Variants in EWSR1 observed in about 807,000 individuals in gnomAD.
EWSR1 encodes EWS RNA binding protein 1, also known as RNA-binding protein EWS.
Under a neutral mutation model 92.1 loss-of-function variants are expected in EWSR1, and 14 were observed. The ratio of observed to expected loss-of-function variants is 0.15; its 90% CI spans 0.10 to 0.24. The LOEUF is 0.24. Among genes scored for constraint, EWSR1 ranks in the 10% least tolerant of loss-of-function variants. The pLI is 1.00. For missense variants in EWSR1, 637 were observed against 870.9 expected, an observed-to-expected ratio of 0.73 and a Z score of 3.38; for synonymous variants, 303 against 292.9, an observed-to-expected ratio of 1.03 and a Z score of -0.35.
intron 14 of EWSR1, 110 bp downstream of exon 14, chr22:29,299,005 C>A: frequency 7.3e-7 from 1 of 1,363,558 alleles, no homozygotes; most frequent in East Asian, 2.3e-5. Flanking sequence ...AATGATGACC[C>A]TGATGGCTGG....
rs1424680543 is a variant in EWSR1 at position 29,296,064 on chromosome 22, C to T, written c.1165-175C>T. On this transcript the variant is annotated intron_variant, in intron 11 of 16. Transcript: ENST00000397938. ...GTCTACTTTGGTTTTTATGATAAAGCAGGGATAGAGGAGAAAATAACTTAG... is the reference window on the plus strand; with the variant it reads ...GTCTACTTTGGTTTTTATGATAAAGTAGGGATAGAGGAGAAAATAACTTAG... 4.6e-6 allele frequency: 3 copies of T among 656,210 alleles called. No homozygotes were observed. The Admixed American group carries it at 9.4e-5, about 21-fold the overall frequency. The allele number at this position is 656,210 out of a possible 1,614,324, so 40.6% of individuals were successfully genotyped here.
intron 1 of EWSR1, chr22:29,269,119 A>C (rs1569033997): frequency 6.6e-6 from 1 of 152,254 alleles, no homozygotes; most frequent in Non-Finnish European, 1.5e-5. Flanking sequence ...GCCGAGGGAC[A>C]TCCGTTGTAT....
intron 11 of EWSR1, 102 bp from the exon 12 acceptor site, chr22:29,296,137 A>G: frequency 8.6e-7 from 1 of 1,159,316 alleles, no homozygotes. Flanking sequence ...TTAGTGACTT[A>G]CTACATGTGA....
At chr22:29,280,822 C>T (rs192359622) in intron 5 of EWSR1, among the ~76,000 whole-genome samples, 3,610 of 145,292 alleles carry the variant, frequency 0.025, 140 homozygotes, top group African/African-American at 0.088. Context: ...TACAGGTGCC[C>T]GCCACTCTGC....
intron 4 of EWSR1, chr22:29,276,249 G>A: frequency 4.3e-6 from 1 of 230,158 alleles, no homozygotes; most frequent in Non-Finnish European, 8.6e-6. Flanking sequence ...ATAAATGAAT[G>A]CCTTATGTGG....
intron 3 of EWSR1, among the ~76,000 whole-genome samples, chr22:29,272,855 C>T (rs2058792978): frequency 6.6e-6 from 1 of 152,118 alleles, no homozygotes; most frequent in Non-Finnish European, 1.5e-5. Context: ...TAAAAACTGG[C>T]GACCTAGCCA....
intron 16 of EWSR1, 33 bp downstream of exon 16, chr22:29,299,884 C>A (rs932191137): frequency 6.5e-7 from 1 of 1,530,874 alleles, no homozygotes; most frequent in South Asian, 1.3e-5. Flanking sequence ...TGTGGGCCGC[C>A]AGGCACAGTA....
At position 29,280,862 on chromosome 22, in the gene EWSR1, G is replaced by GTTTTTTTTTTTTT. The variant is rs71196650; in HGVS notation, c.414-1503_414-1491dup. ...CTAATTTTGTGTGTGTGTGTGTGTT[G>GTTTTTTTTTTTTT]TTTTTTTTTTTTTTTTTTTTTTTTT... On this transcript the variant is annotated intron_variant, in intron 5 of 16. Transcript: ENST00000397938. Among the ~76,000 whole-genome samples the GTTTTTTTTTTTTT allele has an allele frequency of 3.2e-5, 2 of 62,902 alleles. 1 individual carries two copies. Among genetic ancestry groups the GTTTTTTTTTTTTT allele is most frequent in the African/African-American group, 1.1e-4 (2 of 17,576 alleles). 41.3% of individuals were successfully genotyped at this position (62,902 alleles called of 152,430 possible). A position where few individuals can be genotyped will look rare whatever the true frequency, so the allele number is the denominator to read the frequency against.
intron 14 of EWSR1, 59 bp downstream of exon 14, chr22:29,298,954 C>T (rs1369639987): frequency 4.7e-6 from 7 of 1,482,180 alleles, no homozygotes; most frequent in Middle Eastern, 3.6e-4. Context: ...TCCCTCACCC[C>T]ATCCCCACTC....
intron 5 of EWSR1, among the ~76,000 whole-genome samples, chr22:29,280,859 G>GTTTTTTTTTT (rs1316884921): frequency 1.1e-5 from 1 of 90,978 alleles, no homozygotes; most frequent in Admixed American, 1.5e-4. Flanking sequence ...GTGTGTGTGT[G>GTTTTTTTTTT]TTGTTTTTTT....
chr22:29,296,196 T>G (rs72549219), intron 11 of EWSR1, 43 bp from the exon 12 acceptor site: 4 of 1,571,890 alleles, frequency 2.5e-6, no homozygotes, highest in Non-Finnish European at 2.6e-6. Flanking sequence ...TCTCCCAAAT[T>G]AGTATATTCT....
intron 3 of EWSR1, among the ~76,000 whole-genome samples, chr22:29,273,540 T>C (rs915847211): frequency 7.2e-5 from 11 of 152,228 alleles, no homozygotes; most frequent in Admixed American, 2.0e-4. Flanking sequence ...GTAGCTAACT[T>C]TACCATAATA....
intron 1 of EWSR1, among the ~76,000 whole-genome samples, chr22:29,270,921 AT>A (rs1006725122): frequency 3.5e-4 from 54 of 152,344 alleles, no homozygotes; most frequent in African/African-American, 1.3e-3. Flanking sequence ...TGGGCAGTTG[AT>A]TTGTTCCTCT....
Position 29,297,945 on chromosome 22 carries a change from T to A in EWSR1, c.1413T>A (p.Arg471=), listed in dbSNP as rs2060995575. 9 of 1,611,682 alleles carry A rather than the reference T, an allele frequency of 5.6e-6. No homozygotes were observed. The highest frequency in any genetic ancestry group is 6.8e-6 in the Non-Finnish European group (8 of 1,179,168). ...GCAGAGGCATGCCACCACCACTCCG[T>A]GGAGGTACTTTTTCTGAGCTCCTAT... ...REGRGMPPPL[R]GGPGGPGGPG... is the part of the protein sequence containing the mutation. The change falls in exon 13 of 17, where the codon CGT becomes CGA. Residue 471 remains arginine (R), a synonymous_variant. Coordinates refer to ENST00000397938, the MANE Select transcript of EWSR1 (RefSeq NM_005243.4).
intron 1 of EWSR1, among the ~76,000 whole-genome samples, chr22:29,268,753 C>T (rs2058366596): frequency 6.6e-6 from 1 of 152,266 alleles, no homozygotes; most frequent in African/African-American, 2.4e-5. Flanking sequence ...CCGCAGGCTG[C>T]TGTCCCTGTG....
intron 5 of EWSR1, among the ~76,000 whole-genome samples, chr22:29,281,953 G>A (rs1452964094): frequency 6.6e-6 from 1 of 152,186 alleles, no homozygotes; most frequent in Admixed American, 6.5e-5. Flanking sequence ...ATGATGCCAT[G>A]GACTTACGTA....
chr22:29,291,789 T>G, intron 9 of EWSR1, 190 bp downstream of exon 9: 1 of 602,958 alleles, frequency 1.7e-6, no homozygotes, highest in South Asian at 2.4e-5. Flanking sequence ...AAGGGTAACT[T>G]GAAGTATTGA....
chr22:29,298,321 C>T (rs2061028968), intron 13 of EWSR1, among the ~76,000 whole-genome samples: 2 of 152,042 alleles, frequency 1.3e-5, no homozygotes, highest in South Asian at 4.2e-4. Flanking sequence ...GCCTGGCCAA[C>T]GTGGTGAAAC....
At chr22:29,278,449 G>A (rs1287996570) in intron 5 of EWSR1, among the ~76,000 whole-genome samples, 1 of 152,178 alleles carries the variant, frequency 6.6e-6, no homozygotes, top group Non-Finnish European at 1.5e-5. Flanking sequence ...CTCTTTGGGA[G>A]GCCGAGGCGG....
Sources: allele counts gnomAD v4.1 joint callset (sites outside exome capture counted in the v4.1 genomes callset), GRCh38; gene constraint gnomAD v4.1.1; transcripts MANE v1.5; gene names NCBI Gene and HGNC (gene_info 2026-07-23, HGNC 2026-07-21).